FLNB: variants seen among roughly 807,000 people sequenced by gnomAD.
FLNB encodes filamin B, also known as filamin-B.
Under a neutral mutation model 250.6 loss-of-function variants are expected in FLNB, and 111 were observed. The observed-to-expected ratio is 0.44, with a 90% CI of 0.38 to 0.52. FLNB has a LOEUF of 0.52. Ranked by LOEUF, FLNB falls within the 20% of genes least tolerant of loss-of-function variation. The pLI is 0.00. For missense variants in FLNB, 2,869 were observed against 3,447.8 expected (o/e 0.83, Z 4.20); for synonymous variants, 1,302 against 1,372.1 (o/e 0.95, Z 1.13).
intron 1 of FLNB, among the ~76,000 whole-genome samples, chr3:58,051,681 TTGG>T (rs145539583): frequency 0.43 from 65,537 of 150,696 alleles, 15,103 homozygotes; most frequent in African/African-American, 0.59. Context: ...GGCAGTTTTT[TTGG>T]GTTTTTTTTT....
chr3:58,110,040 C>T lies in FLNB; in HGVS notation c.2354C>T (p.Ala785Val). 2 of 1,614,104 alleles carry T rather than the reference C, an allele frequency of 1.2e-6. No homozygotes were observed. The highest frequency in any genetic ancestry group is 1.7e-6 in the Non-Finnish European group (2 of 1,180,008). ...GTCAGTGTTGGCATTAAGTGTGATGCCCGGGTGTTAAGTGAAGATGAGGAA... is the reference window on the plus strand; with the variant it reads ...GTCAGTGTTGGCATTAAGTGTGATGTCCGGGTGTTAAGTGAAGATGAGGAA... ...GDVSVGIKCDARVLSEDEEDV... is the reference protein window; with the variant it reads ...GDVSVGIKCDVRVLSEDEEDV... The change falls in exon 16 of 46, where the codon GCC (alanine) becomes GTC (valine). Residue 785 changes from alanine (A) to valine (V), a missense_variant. Coordinates refer to ENST00000295956, the MANE Select transcript of FLNB (RefSeq NM_001457.4).
chr3:58,151,363 G>C (rs1018183068), intron 38 of FLNB: 15 of 124,608 alleles, frequency 1.2e-4, no homozygotes, highest in African/African-American at 4.7e-4. Context: ...CTGCACTCCA[G>C]CCTGGGCAAC....
intron 1 of FLNB, among the ~76,000 whole-genome samples, chr3:58,026,537 G>A (rs978349573): frequency 1.3e-5 from 2 of 152,190 alleles, no homozygotes; most frequent in Non-Finnish European, 2.9e-5. Context: ...CATCAAAGTC[G>A]CTGGGCTAGG....
chr3:58,073,034 C>T (rs1576671100), intron 1 of FLNB, among the ~76,000 whole-genome samples: 1 of 152,170 alleles, frequency 6.6e-6, no homozygotes, highest in African/African-American at 2.4e-5. Flanking sequence ...TTGAGTTTTG[C>T]AGACTAATGC....
chr3:58,148,316 G>T lies in FLNB; in HGVS notation c.5839G>T (p.Gly1947Cys), dbSNP rs375845000. ...SLTASIKAPS[G>C]RDEPCLLKRL... is the part of the protein sequence containing the mutation. ...GACGGCCAGCATTAAGGCCCCATCT[G>T]GCCGAGACGAGCCCTGTCTCCTGAA... The change falls in exon 35 of 46, where the codon GGC becomes TGC. Residue 1947 changes from glycine to cysteine, a missense_variant. Physicochemically the swap from Gly to Cys is radical, Grantham distance 159. Coordinates refer to ENST00000295956, the MANE Select transcript of FLNB (RefSeq NM_001457.4). 29 of 1,613,970 alleles carry T rather than the reference G, an allele frequency of 1.8e-5. No individual in the cohort carries two copies. The highest frequency in any genetic ancestry group is 2.4e-5 in the Non-Finnish European group (28 of 1,180,016).
chr3:58,047,834 G>A (rs2097156390), intron 1 of FLNB, among the ~76,000 whole-genome samples: 1 of 152,116 alleles, frequency 6.6e-6, no homozygotes, highest in Non-Finnish European at 1.5e-5. Flanking sequence ...AAAGTGCTAG[G>A]ATTACAGGAG....
chr3:58,100,373 A>AAAAATATATATATATATATATATATATAT, intron 8 of FLNB, among the ~76,000 whole-genome samples: 29 of 104,338 alleles, frequency 2.8e-4, no homozygotes, highest in African/African-American at 1.0e-3. Context: ...GTAAAAAAAA[A>AAAAATATATATATATATATATATATATAT]ATATATATAT....
chr3:58,109,724 A>C (rs749092766), intron 15 of FLNB, 25 bp downstream of exon 15: 1 of 1,614,056 alleles, frequency 6.2e-7, no homozygotes, highest in Non-Finnish European at 8.5e-7. Context: ...TGTTCAACCC[A>C]GTGATCATTG....
At chr3:58,106,475 A>T (rs1439491705) in intron 11 of FLNB, among the ~76,000 whole-genome samples, 4 of 138,308 alleles carry the variant, frequency 2.9e-5, no homozygotes, top group East Asian at 2.5e-4. Context: ...CATTTGAAAA[A>T]AAAAAAATAT....
chr3:58,148,750 T>A lies in FLNB; in HGVS notation c.5989T>A (p.Ser1997Thr), dbSNP rs757342939. The A allele has an allele frequency of 6.2e-7, 1 of 1,613,932 alleles. No homozygotes were observed. The highest frequency in any genetic ancestry group is 8.5e-7 in the Non-Finnish European group (1 of 1,179,972). Residue 1997 changes from serine (S) to threonine (T), a missense_variant, in exon 36 of 46, where the codon TCG (serine) becomes ACG (threonine). By Grantham distance (58) the Ser-to-Thr change is moderately conservative. This residue lies in a region of FLNB where 1,084 missense variants were observed against 1,315.5 expected (regional missense o/e 0.82). Transcript: ENST00000295956. Reference sequence around the variant, plus strand: ...CCCCGTGTCTATCATGGTGGTCCAGTCGGAGATTGGTGACGCCCGCCGAGC... The same window carrying A: ...CCCCGTGTCTATCATGGTGGTCCAGACGGAGATTGGTGACGCCCGCCGAGC... ...NSPVSIMVVQ[S>T]EIGDARRAKV... is the part of the protein sequence containing the mutation.
chr3:58,022,250 C>A (rs1456300388), intron 1 of FLNB, among the ~76,000 whole-genome samples: 1 of 152,172 alleles, frequency 6.6e-6, no homozygotes, highest in African/African-American at 2.4e-5. Context: ...AGTATAATAG[C>A]TTGAGTATTA....
At chr3:58,035,968 C>G (rs1168193183) in intron 1 of FLNB, among the ~76,000 whole-genome samples, 1 of 152,154 alleles carries the variant, frequency 6.6e-6, no homozygotes, top group Non-Finnish European at 1.5e-5. Flanking sequence ...CTCACCCGGG[C>G]TCTTATTCCA....
chr3:58,103,388 C>A (rs575415790), intron 9 of FLNB, among the ~76,000 whole-genome samples: 2 of 152,252 alleles, frequency 1.3e-5, no homozygotes, highest in South Asian at 4.1e-4. Context: ...CCTGGCCAAA[C>A]CTCAGGGCTC....
chr3:58,130,754 G>A lies in FLNB; in HGVS notation c.4236G>A (p.Arg1412=). Residue 1412 remains arginine (R), a synonymous_variant, in exon 25 of 46, where the codon AGG becomes AGA. Coordinates refer to ENST00000295956, the MANE Select transcript of FLNB (RefSeq NM_001457.4). The part of the protein sequence containing the change: ...GGAHIPGSPF[R]VPVKDVVDPS... Reference sequence around the variant, plus strand: ...CCTCTCTTCCAGGCAGCCCCTTCAGGGTTCCTGTGAAGGATGTTGTGGACC... The same window carrying A: ...CCTCTCTTCCAGGCAGCCCCTTCAGAGTTCCTGTGAAGGATGTTGTGGACC... The A allele has an allele frequency of 6.2e-7, 1 of 1,613,568 alleles. No homozygotes were observed. Among genetic ancestry groups the A allele is most frequent in the Non-Finnish European group, 8.5e-7 (1 of 1,179,840 alleles).
Position 58,110,138 on chromosome 3 carries a change from C to T in FLNB, c.2452C>T (p.Arg818Ter), listed in dbSNP as rs80356519. 10 of 1,614,042 alleles carry T rather than the reference C, an allele frequency of 6.2e-6. No homozygotes were observed. Among genetic ancestry groups the T allele is most frequent in the Non-Finnish European group, 8.5e-6 (10 of 1,180,034 alleles). ...TVKYVPPAAG[R>*]YTIKVLFASQ... is the part of the protein sequence containing the mutation. ...CAAATATGTGCCTCCTGCTGCTGGG[C>T]GATACACTATCAAAGTTCTCTTTGC... Residue 818 changes from arginine to a stop codon, truncating the protein, a stop_gained, in exon 16 of 46, where the codon CGA becomes TGA. Transcript: ENST00000295956. LOFTEE classifies it high-confidence loss of function.
chr3:58,031,575 A>G (rs2097131214), intron 1 of FLNB, among the ~76,000 whole-genome samples: 3 of 113,540 alleles, frequency 2.6e-5, no homozygotes, highest in Admixed American at 2.1e-4. Flanking sequence ...TTTTAAAGGC[A>G]GAGTCTTGCC....
chr3:58,167,666 A>T (rs2097373079), intron 43 of FLNB, among the ~76,000 whole-genome samples: 1 of 152,196 alleles, frequency 6.6e-6, no homozygotes, highest in Non-Finnish European at 1.5e-5. Context: ...AGGGGTCAAG[A>T]GATGAGCCTG....
At chr3:58,143,172 A>G (rs1276608058) in intron 31 of FLNB, among the ~76,000 whole-genome samples, 1 of 151,472 alleles carries the variant, frequency 6.6e-6, no homozygotes, top group Non-Finnish European at 1.5e-5. Context: ...CTTTGGTTTG[A>G]TGCTCTATGT....
intron 10 of FLNB, 108 bp downstream of exon 10, chr3:58,104,193 GA>G (rs2097255642): frequency 3.9e-6 from 4 of 1,033,524 alleles, no homozygotes; most frequent in Non-Finnish European, 5.6e-6. Context: ...CTGCTTTGTT[GA>G]AAACTTTTTT....
Sources: gnomAD v4.1 joint callset for allele counts (sites outside exome capture counted in the v4.1 genomes callset) on GRCh38, gnomAD v4.1.1 for gene constraint, gnomAD v4.1.1 regional missense constraint, MANE v1.5 for transcripts, NCBI Gene and HGNC (gene_info 2026-07-23, HGNC 2026-07-21) for gene names.